The following ADCY9 variants were observed in gnomAD, a reference collection of about 807,000 sequenced individuals.
ADCY9 encodes adenylate cyclase type 9.
A neutral mutation model predicts 101.5 loss-of-function variants in ADCY9; 50 were observed. That is an observed-to-expected ratio of 0.49 (90% CI 0.39 to 0.62). The LOEUF (loss-of-function observed/expected upper bound fraction) is 0.62. Among genes scored for constraint, ADCY9 ranks in the 20% least tolerant of loss-of-function variants. ADCY9 has a pLI of 0.00. For missense variants in ADCY9, 1,662 were observed against 1,800.4 expected, an observed-to-expected ratio of 0.92 and a Z score of 1.39; for synonymous variants, 905 against 769.3, an observed-to-expected ratio of 1.18 and a Z score of -2.92.
chr16:4,100,620 G>A (rs1345001203), intron 2 of ADCY9, among the ~76,000 whole-genome samples: 1 of 151,892 alleles, frequency 6.6e-6, no homozygotes, highest in Non-Finnish European at 1.5e-5. Flanking sequence ...CGTGAGCCAT[G>A]CACCTGGCCT....
intron 2 of ADCY9, among the ~76,000 whole-genome samples, chr16:4,096,629 G>A (rs150074456): frequency 1.7e-4 from 26 of 152,280 alleles, no homozygotes; most frequent in African/African-American, 5.3e-4. Context: ...GTTCCAGAAT[G>A]CGATGCAATC....
chr16:4,034,855 GC>G (rs1378691128), intron 2 of ADCY9, among the ~76,000 whole-genome samples: 6 of 152,198 alleles, frequency 3.9e-5, no homozygotes, highest in Non-Finnish European at 7.3e-5. Flanking sequence ...TGTGGACCTT[GC>G]CGGCTGGAAG....
intron 2 of ADCY9, among the ~76,000 whole-genome samples, chr16:4,033,652 T>C (rs2056571090): frequency 6.6e-6 from 1 of 152,112 alleles, no homozygotes; most frequent in South Asian, 2.1e-4. Context: ...CCTGACCTTG[T>C]GATCCACCCG....
chr16:4,028,838 G>A (rs1342763431), intron 2 of ADCY9, among the ~76,000 whole-genome samples: 1 of 151,556 alleles, frequency 6.6e-6, no homozygotes, highest in African/African-American at 2.4e-5. Context: ...AAGCTAGAGT[G>A]CAGTGGCGCG....
At chr16:4,042,634 G>A (rs1203347267) in intron 2 of ADCY9, among the ~76,000 whole-genome samples, 2 of 152,132 alleles carry the variant, frequency 1.3e-5, no homozygotes, top group Non-Finnish European at 2.9e-5. Context: ...TTAATTATCT[G>A]AAAGAGTGGA....
intron 6 of ADCY9, among the ~76,000 whole-genome samples, chr16:3,985,956 CA>C (rs1406829664): frequency 8.5e-6 from 1 of 117,510 alleles, no homozygotes; most frequent in Non-Finnish European, 1.8e-5. Context: ...CACATCATGA[CA>C]CTCTTTCGCC....
chr16:3,957,245 A>AC (rs2055912496), intron 5 of ADCY9, among the ~76,000 whole-genome samples: 16 of 152,228 alleles, frequency 1.1e-4, no homozygotes, highest in Admixed American at 1.0e-3. Context: ...TTCTAACCTG[A>AC]TAAACAGAAA....
intron 6 of ADCY9, 86 bp downstream of exon 6, chr16:3,988,908 T>A: frequency 2.8e-6 from 3 of 1,075,228 alleles, no homozygotes; most frequent in Non-Finnish European, 4.3e-6. Flanking sequence ...TCCCATCCCT[T>A]GGTAAAGCAC....
rs558292645 is a variant in ADCY9, at chr16:4,033,295, C to T, written c.1694-25737G>A. On this transcript the variant is annotated intron_variant, in intron 2 of 10. Transcript: ENST00000294016. ...TTTATTATTTATAACGGCTTGGAAT[C>T]TAATTCCAAATGAGTTGCTTCCGTA... Among the ~76,000 whole-genome samples the T allele has an allele frequency of 2.0e-5, 3 of 152,236 alleles. 1 individual carries two copies. The South Asian group carries it at 6.2e-4, about 32-fold the overall frequency.
intron 2 of ADCY9, among the ~76,000 whole-genome samples, chr16:4,009,097 A>G (rs1401153390): frequency 1.3e-5 from 2 of 152,216 alleles, no homozygotes; most frequent in Non-Finnish European, 2.9e-5. Context: ...CCTTGTAAAA[A>G]TACTACGTGG....
chr16:4,021,237 T>A (rs948515124), intron 2 of ADCY9, among the ~76,000 whole-genome samples: 1 of 152,184 alleles, frequency 6.6e-6, no homozygotes, highest in Admixed American at 6.5e-5. Context: ...CCAACCGCAT[T>A]GGGCTTGAAT....
At chr16:4,003,976 G>A (rs951450411) in intron 3 of ADCY9, among the ~76,000 whole-genome samples, 3 of 151,882 alleles carry the variant, frequency 2.0e-5, no homozygotes, top group Non-Finnish European at 4.4e-5. Flanking sequence ...AGAACCCAAG[G>A]CCAGGCACAG....
intron 2 of ADCY9, among the ~76,000 whole-genome samples, chr16:4,062,939 G>C (rs1037014827): frequency 2.6e-5 from 4 of 152,136 alleles, no homozygotes; most frequent in African/African-American, 9.7e-5. Flanking sequence ...TGACATAATA[G>C]TTAAACAGAA....
At chr16:3,985,990 C>G (rs999324122) in intron 6 of ADCY9, among the ~76,000 whole-genome samples, 3 of 152,194 alleles carry the variant, frequency 2.0e-5, no homozygotes, top group African/African-American at 7.2e-5. Context: ...GGGCGAAACC[C>G]AGGGACAGTG....
At chr16:3,980,982 G>A (rs557143673) in intron 7 of ADCY9, among the ~76,000 whole-genome samples, 33 of 152,184 alleles carry the variant, frequency 2.2e-4, no homozygotes, top group Non-Finnish European at 4.6e-4. Context: ...CTGAGGAGGC[G>A]CCTGGCTTTC....
At chr16:4,065,640 T>G (rs902838282) in intron 2 of ADCY9, among the ~76,000 whole-genome samples, 3 of 152,208 alleles carry the variant, frequency 2.0e-5, no homozygotes, top group Non-Finnish European at 2.9e-5. Flanking sequence ...GGCGCTATTT[T>G]GGCTCACTGC....
chr16:3,993,956 A>G (rs2056267676), intron 3 of ADCY9, among the ~76,000 whole-genome samples: 2 of 152,090 alleles, frequency 1.3e-5, no homozygotes, highest in Admixed American at 6.6e-5. Context: ...GAGAAGGCAG[A>G]TTCCTGGCTG....
chr16:3,998,753 GAAAAGAAAAGA>G (rs1202301875), intron 3 of ADCY9, among the ~76,000 whole-genome samples: 3 of 3,580 alleles, frequency 8.4e-4, no homozygotes, highest in Non-Finnish European at 1.6e-3. Context: ...AAGAAAGAAA[GAAAAGAAAAGA>G]AAAGAAAAGA....
chr16:4,032,498 T>C (rs1422294470), intron 2 of ADCY9, among the ~76,000 whole-genome samples: 2 of 147,300 alleles, frequency 1.4e-5, no homozygotes, highest in African/African-American at 5.0e-5. Flanking sequence ...TGGTCTTCCA[T>C]CTATATCACA....
Sources: gnomAD v4.1 joint callset for allele counts (sites outside exome capture counted in the v4.1 genomes callset) on GRCh38, gnomAD v4.1.1 for gene constraint, MANE v1.5 for transcripts, NCBI Gene and HGNC (gene_info 2026-07-23, HGNC 2026-07-21) for gene names.